The following KCNN2 variants were observed in gnomAD, a reference collection of about 807,000 sequenced individuals.
The protein encoded by KCNN2 is small conductance calcium-activated potassium channel protein 2.
Under a neutral mutation model 55.5 loss-of-function variants are expected in KCNN2, and 24 were observed. The observed-to-expected ratio is 0.43, with a 90% CI of 0.31 to 0.61. The LOEUF (loss-of-function observed/expected upper bound fraction) is 0.61, where lower values mean the gene tolerates loss of function less well. KCNN2 is among the 20% of genes least tolerant of loss of function. KCNN2 has a pLI of 0.08. For synonymous variants in KCNN2, 431 were observed against 336.1 expected, an observed-to-expected ratio of 1.28 and a Z score of -3.09; for missense variants, 754 against 853.6, an observed-to-expected ratio of 0.88 and a Z score of 1.45.
chr5:114,416,254 C>G (rs192283320), intron 3 of KCNN2, among the ~76,000 whole-genome samples: 1 of 151,962 alleles, frequency 6.6e-6, no homozygotes, highest in Non-Finnish European at 1.5e-5. Flanking sequence ...TTTTAAGATT[C>G]TTTTTGTTTT....
In KCNN2 at chr5:114,363,953, G is replaced by T. The variant is rs1438906033; in HGVS notation, c.1170G>T (p.Thr390=). 4 of 1,613,956 alleles carry T rather than the reference G, an allele frequency of 2.5e-6. No individual in the cohort carries two copies. In the African/African-American group the frequency reaches 4.0e-5, roughly 16 times the overall value. The part of the protein sequence containing the change: ...LALKCLISLS[T]IILLGLIIVY... ...TGAAATGCCTTATCAGTCTCTCCAC[G>T]ATCATCCTGCTCGGTCTGATCATCG... The change falls in exon 2 of 8, where the codon ACG becomes ACT. Residue 390 remains threonine, a synonymous_variant. Coordinates refer to ENST00000673685, the MANE Select transcript of KCNN2 (RefSeq NM_021614.4).
At chr5:114,227,354 C>G (rs1754256944) in intron 2 of KCNN2, among the ~76,000 whole-genome samples, 1 of 152,146 alleles carries the variant, frequency 6.6e-6, no homozygotes, top group African/African-American at 2.4e-5. Context: ...AGTTCAAATT[C>G]CTTTTTATTC....
intron 1 of KCNN2, among the ~76,000 whole-genome samples, chr5:114,074,293 CGTGTGTGT>C (rs371882287): frequency 0.01 from 1,468 of 144,582 alleles, 29 homozygotes; most frequent in African/African-American, 0.033. Context: ...GCCATGTTTG[CGTGTGTGT>C]GTGTGTGTGT....
chr5:114,410,550 A>G (rs1759100007), intron 3 of KCNN2, among the ~76,000 whole-genome samples: 2 of 152,124 alleles, frequency 1.3e-5, no homozygotes, highest in African/African-American at 2.4e-5. Context: ...AGTTTTGGAG[A>G]TAGAAAGAAA....
At chr5:114,272,979 A>G (rs932226978) in intron 2 of KCNN2, among the ~76,000 whole-genome samples, 1 of 151,958 alleles carries the variant, frequency 6.6e-6, no homozygotes, top group Non-Finnish European at 1.5e-5. Context: ...CTGCACCCAA[A>G]AACCTGTCAC....
intron 1 of KCNN2, among the ~76,000 whole-genome samples, chr5:114,161,603 A>G (rs1329390394): frequency 6.6e-6 from 1 of 152,178 alleles, no homozygotes; most frequent in African/African-American, 2.4e-5. Context: ...GTGTTTTCCA[A>G]CTTGATTGCA....
chr5:114,443,667 G>T (rs1184043695), intron 3 of KCNN2, among the ~76,000 whole-genome samples: 1 of 152,246 alleles, frequency 6.6e-6, no homozygotes, highest in Non-Finnish European at 1.5e-5. Flanking sequence ...GCAGTTTAAT[G>T]AAGGGTACTG....
chr5:114,296,388 T>G (rs1287717304), intron 2 of KCNN2, among the ~76,000 whole-genome samples: 1 of 152,206 alleles, frequency 6.6e-6, no homozygotes, highest in Non-Finnish European at 1.5e-5. Context: ...CCTCGGCTGC[T>G]GATGTCATTG....
chr5:114,308,333 C>A (rs2416366), intron 2 of KCNN2, among the ~76,000 whole-genome samples: 76,719 of 151,912 alleles, frequency 0.51, 20,329 homozygotes, highest in East Asian at 0.93. Context: ...TGAGATGAAG[C>A]CTTGTATAAG....
intron 2 of KCNN2, among the ~76,000 whole-genome samples, chr5:114,378,979 T>G (rs1273565980): frequency 6.6e-6 from 1 of 152,222 alleles, no homozygotes; most frequent in African/African-American, 2.4e-5. Context: ...ATTAATTTGC[T>G]TATTGCTGTT....
chr5:114,238,640 AG>A (rs1754558130), intron 2 of KCNN2, among the ~76,000 whole-genome samples: 1 of 151,138 alleles, frequency 6.6e-6, no homozygotes, highest in Non-Finnish European at 1.5e-5. Flanking sequence ...AAAAAAAAAA[AG>A]GATTATTGTT....
intron 4 of KCNN2, among the ~76,000 whole-genome samples, chr5:114,463,881 A>T (rs79240950): frequency 6.6e-6 from 1 of 152,110 alleles, no homozygotes; most frequent in East Asian, 1.9e-4. Flanking sequence ...ATACCCAGGA[A>T]GGGAAGTAGG....
chr5:114,185,883 A>G (rs77828107), intron 1 of KCNN2, among the ~76,000 whole-genome samples: 2 of 152,114 alleles, frequency 1.3e-5, no homozygotes, highest in Non-Finnish European at 1.5e-5. Context: ...GTTGAAAACT[A>G]TTGTTTTGGA....
intron 1 of KCNN2, among the ~76,000 whole-genome samples, chr5:114,110,075 C>T (rs1751564809): frequency 6.6e-6 from 1 of 152,050 alleles, no homozygotes; most frequent in South Asian, 2.1e-4. Context: ...TGTTACTCCC[C>T]TCTAATGGAT....
chr5:114,444,312 G>A, intron 3 of KCNN2, among the ~76,000 whole-genome samples: 1 of 152,100 alleles, frequency 6.6e-6, no homozygotes, highest in Non-Finnish European at 1.5e-5. Flanking sequence ...TTCTCAGGAG[G>A]AGGAGGGGTT....
intron 2 of KCNN2, among the ~76,000 whole-genome samples, chr5:114,292,756 G>T (rs1755922878): frequency 6.6e-6 from 1 of 152,118 alleles, no homozygotes; most frequent in Non-Finnish European, 1.5e-5. Flanking sequence ...GATGGGGATG[G>T]CATTGAATCT....
At chr5:114,422,243 C>G (rs1404439371) in intron 3 of KCNN2, among the ~76,000 whole-genome samples, 1 of 152,136 alleles carries the variant, frequency 6.6e-6, no homozygotes, top group East Asian at 1.9e-4. Flanking sequence ...CATGTTGAAA[C>G]CTAATTTCCA....
At chr5:114,442,910 CAGAAGGGTAAA>C (rs1226151518) in intron 3 of KCNN2, among the ~76,000 whole-genome samples, 88 of 152,218 alleles carry the variant, frequency 5.8e-4, no homozygotes, top group African/African-American at 2.0e-3. Context: ...TGAGCATGGT[CAGAAGGGTAAA>C]TTGGAACGTC....
chr5:114,154,068 G>A (rs1752579255), intron 1 of KCNN2, among the ~76,000 whole-genome samples: 1 of 152,100 alleles, frequency 6.6e-6, no homozygotes, highest in African/African-American at 2.4e-5. Context: ...CTTGTATCAT[G>A]TCTGCTTCTT....
Sources: gnomAD v4.1 joint callset for allele counts (sites outside exome capture counted in the v4.1 genomes callset) on GRCh38, gnomAD v4.1.1 for gene constraint, MANE v1.5 for transcripts, NCBI Gene and HGNC (gene_info 2026-07-23, HGNC 2026-07-21) for gene names.